The following NEDD9 variants were observed in gnomAD, a reference collection of about 807,000 sequenced individuals.
NEDD9 encodes enhancer of filamentation 1.
Under a neutral mutation model 76.6 loss-of-function variants are expected in NEDD9, and 26 were observed. The ratio of observed to expected loss-of-function variants is 0.34; its 90% CI spans 0.25 to 0.47. The LOEUF (loss-of-function observed/expected upper bound fraction) is 0.47, where lower values mean the gene tolerates loss of function less well. Among genes scored for constraint, NEDD9 ranks in the 20% least tolerant of loss-of-function variants. The pLI is 1.00. For synonymous variants in NEDD9, 392 were observed against 414.2 expected (o/e 0.95, Z 0.65); for missense variants, 937 against 1,058.5 (o/e 0.89, Z 1.59).
rs752912690 is a variant in NEDD9, at chr6:11,370,376, C to T, written c.-214+11763G>A. On this transcript the variant is annotated intron_variant, in intron 1 of 3. Transcript: ENST00000397378. The surrounding 1 kb of genome is among the most constrained non-coding windows in gnomAD (Gnocchi z 4.2). The stretch of plus-strand genomic sequence containing the variant: ...TCAGGCTGTTATTCAAATGCTGGAG[C>T]GGATCCAAATTTGCTTTCCTGAGGA... Among the ~76,000 whole-genome samples, 7 of 152,286 alleles carry T rather than the reference C, an allele frequency of 4.6e-5. No individual in the cohort carries two copies. Among genetic ancestry groups the T allele is most frequent in the South Asian group, 2.1e-4 (1 of 4,826 alleles).
rs1418860309 is a variant in NEDD9, at chr6:11,225,495, GTTTA to G, written c.12+7005_12+7008del. On this transcript the variant is annotated intron_variant, in intron 1 of 6. Coordinates refer to ENST00000379446, the MANE Select transcript of NEDD9 (RefSeq NM_006403.4). ...AAGAGACTAGCTGTTTTGTTTGTTT[GTTTA>G]TTTGTTTGTTTGTTTTGTTTTTGAG... is the stretch of plus-strand genomic sequence containing the variant. Among the ~76,000 whole-genome samples the G allele has an allele frequency of 4.1e-4, 63 of 152,144 alleles. No individual in the cohort carries two copies. In the East Asian group the frequency reaches 6.8e-3, roughly 16 times the overall value.
chr6:11,264,668 G>A (rs541461479), intron 3 of NEDD9, among the ~76,000 whole-genome samples: 2 of 152,236 alleles, frequency 1.3e-5, no homozygotes, highest in Admixed American at 6.5e-5. Context: ...ACAATTTGGG[G>A]AGTAAGGCTG....
At chr6:11,335,961 G>A (rs1018543906) in intron 1 of NEDD9, among the ~76,000 whole-genome samples, 7 of 152,118 alleles carry the variant, frequency 4.6e-5, no homozygotes, top group East Asian at 3.9e-4. Context: ...TCAGAAGCTC[G>A]TCTGCACTTG....
chr6:11,380,253 T>A (rs998925226), intron 1 of NEDD9, among the ~76,000 whole-genome samples: 1 of 152,054 alleles, frequency 6.6e-6, no homozygotes, highest in African/African-American at 2.4e-5. Context: ...TAGCTTGGGT[T>A]CCCCCAGAAG....
At chr6:11,225,797 G>A (rs944096000) in intron 1 of NEDD9, among the ~76,000 whole-genome samples, 3 of 130,948 alleles carry the variant, frequency 2.3e-5, no homozygotes, top group Non-Finnish European at 3.3e-5. Context: ...CACCGCGCCC[G>A]GCCTTTTTTT....
At position 11,185,000 on chromosome 6, in the gene NEDD9, A is replaced by G; in HGVS notation, c.*162T>C. 1.1e-6 allele frequency: 1 copy of G among 885,698 alleles called. No homozygotes were observed. The highest frequency in any genetic ancestry group is 2.7e-5 in the East Asian group (1 of 36,680). The allele number at this position is 885,698 out of a possible 1,614,324, so 54.9% of individuals were successfully genotyped here. On this transcript the variant is annotated 3_prime_UTR_variant, in exon 7 of 7. Coordinates refer to ENST00000379446, the MANE Select transcript of NEDD9 (RefSeq NM_006403.4). The stretch of plus-strand genomic sequence containing the variant: ...GGGAAAAAAAAAGATTTCCCTCTCC[A>G]GCTCCCTGAATTTCTGAAAGTTGAC...
At chr6:11,326,582 G>A (rs993853249) in intron 2 of NEDD9, among the ~76,000 whole-genome samples, 5 of 152,206 alleles carry the variant, frequency 3.3e-5, no homozygotes, top group South Asian at 2.1e-4. Flanking sequence ...CTTTCAGAGC[G>A]GCATGGGTGG....
intron 3 of NEDD9, among the ~76,000 whole-genome samples, chr6:11,260,299 C>T (rs958121876): frequency 4.6e-5 from 7 of 152,108 alleles, no homozygotes; most frequent in Admixed American, 2.6e-4. Context: ...CCAAAGATTT[C>T]CTGTGATTAA....
intron 3 of NEDD9, among the ~76,000 whole-genome samples, chr6:11,267,321 A>G (rs1225068718): frequency 1.3e-5 from 2 of 151,842 alleles, no homozygotes; most frequent in African/African-American, 2.4e-5. Context: ...TGCTTATTAG[A>G]TAGCAGATGA....
intron 3 of NEDD9, chr6:11,249,113 C>T (rs759062193): frequency 1.1e-4 from 51 of 455,746 alleles, no homozygotes; most frequent in Admixed American, 6.4e-4. Flanking sequence ...GATGTTTCTG[C>T]GAGGGTTTTT....
upstream of NEDD9, chr6:11,232,758 G>T: frequency 7.4e-7 from 1 of 1,353,126 alleles, no homozygotes; most frequent in Non-Finnish European, 9.7e-7. Flanking sequence ...TAATGCTCAG[G>T]CCCTGCCCAC....
chr6:11,257,126 G>A lies in NEDD9; in HGVS notation c.13-43399C>T, dbSNP rs1178355002. Reference sequence around the variant, plus strand: ...TCTTCTGGGGGACCATCGATCACCTGCATCAGATCCTTCAAATGGTGGAGC... The same window carrying A: ...TCTTCTGGGGGACCATCGATCACCTACATCAGATCCTTCAAATGGTGGAGC... On this transcript the variant is annotated intron_variant, in intron 3 of 3. Transcript: ENST00000397378. Among the ~76,000 whole-genome samples, 3 of 152,220 alleles carry A rather than the reference G, an allele frequency of 2.0e-5. No homozygotes were observed. In the East Asian group the frequency reaches 5.8e-4, roughly 29 times the overall value.
chr6:11,236,911 C>T (rs1030493132), upstream of NEDD9, among the ~76,000 whole-genome samples: 4 of 152,132 alleles, frequency 2.6e-5, no homozygotes, highest in Admixed American at 6.5e-5. This position sits in a 1 kb window ranked among gnomAD's most constrained non-coding sequence, Gnocchi z 5.5. Context: ...CTCCCTCTAC[C>T]GCCGACCCCC....
intron 1 of NEDD9, among the ~76,000 whole-genome samples, chr6:11,374,564 C>T (rs879413615): frequency 1.3e-5 from 2 of 152,186 alleles, no homozygotes; most frequent in Non-Finnish European, 2.9e-5. Flanking sequence ...TCAAAGGTTA[C>T]TAAAGGTTCA....
chr6:11,276,558 C>T (rs1323137381), intron 3 of NEDD9, among the ~76,000 whole-genome samples: 1 of 152,210 alleles, frequency 6.6e-6, no homozygotes, highest in Admixed American at 6.5e-5. Flanking sequence ...GTTGCTGCTA[C>T]TCACGCTTTT....
rs138171901 is a variant in NEDD9, at chr6:11,191,110, C to T, written c.759G>A (p.Pro253=). 38 of 1,613,946 alleles carry T rather than the reference C, an allele frequency of 2.4e-5. No individual in the cohort carries two copies. Among genetic ancestry groups the T allele is most frequent in the African/African-American group, 5.3e-5 (4 of 74,952 alleles). ...CATAAACCCCCTCCGGTCTGAGGTC[C>T]GGCCTTCCAGCTTGTCTCATGGGAG... ...FPPPMRQAGR[P]DLRPEGVYDI... Residue 253 remains proline (P), a synonymous_variant, in exon 5 of 7, where the codon CCG becomes CCA. Coordinates refer to ENST00000379446, the MANE Select transcript of NEDD9 (RefSeq NM_006403.4).
At chr6:11,199,823 G>A in intron 2 of NEDD9, 1 of 152,328 alleles carries the variant, frequency 6.6e-6, no homozygotes, top group Non-Finnish European at 1.5e-5. Context: ...CACTGCGCCC[G>A]CCACCGTGCC....
intron 1 of NEDD9, among the ~76,000 whole-genome samples, chr6:11,336,314 G>A (rs868195767): frequency 6.6e-6 from 1 of 152,190 alleles, no homozygotes; most frequent in Non-Finnish European, 1.5e-5. Context: ...AAAGTGCATA[G>A]AGTGTACTCA....
rs542468021 is a variant in NEDD9 at position 11,371,712 on chromosome 6, CTT to C, written c.-214+10425_-214+10426del. ...GACGCTTTCTTAGAAGAATTCCCCT[CTT>C]TGAGGTACATCAACGTGTGCTACAC... On this transcript the variant is annotated intron_variant, in intron 1 of 3. Transcript: ENST00000397378. Among the ~76,000 whole-genome samples, 505 of 152,318 alleles carry C rather than the reference CTT, an allele frequency of 3.3e-3. 5 individuals are homozygous for C. Among genetic ancestry groups the C allele is most frequent in the South Asian group, 0.023 (112 of 4,832 alleles).
Sources: allele counts gnomAD v4.1 joint callset (sites outside exome capture counted in the v4.1 genomes callset), GRCh38; gene constraint gnomAD v4.1.1; non-coding constraint Gnocchi (gnomAD v3.1); transcripts MANE v1.5; gene names NCBI Gene and HGNC (gene_info 2026-07-23, HGNC 2026-07-21).